PCDHGC3: variants seen among roughly 807,000 people sequenced by gnomAD.
The protein encoded by PCDHGC3 is protocadherin gamma-C3.
PCDHGC3 carries 26 observed loss-of-function variants against 59.2 expected under a neutral mutation model. The observed-to-expected ratio is 0.44, with a 90% CI of 0.32 to 0.61. The LOEUF is 0.61. PCDHGC3 is among the 20% of genes least tolerant of loss of function. The pLI, the probability that PCDHGC3 is intolerant of heterozygous loss-of-function variation, is 0.05. For synonymous variants in PCDHGC3, 487 were observed against 519.7 expected, an observed-to-expected ratio of 0.94 and a Z score of 0.86; for missense variants, 1,080 against 1,221.8, an observed-to-expected ratio of 0.88 and a Z score of 1.73.
At position 141,487,635 on chromosome 5, in the gene PCDHGC3, A is replaced by C. The variant is rs1594699829; in HGVS notation, c.2431-7172A>C. 1.2e-6 allele frequency: 2 copies of C among 1,614,204 alleles called. No individual in the cohort carries two copies. Among genetic ancestry groups the C allele is most frequent in the Non-Finnish European group, 1.7e-6 (2 of 1,180,034 alleles). On this transcript the variant is annotated intron_variant, in intron 1 of 3. Transcript: ENST00000308177. The surrounding 1 kb of genome is among the most constrained non-coding windows in gnomAD (Gnocchi z 5.0). Reference sequence around the variant, plus strand: ...CTAGAGGTGAGACCTTTGCAGGCTCAACAAATGCTTGAGGGTTATTCTGAT... The same window carrying C: ...CTAGAGGTGAGACCTTTGCAGGCTCCACAAATGCTTGAGGGTTATTCTGAT...
rs200464357 is a variant in PCDHGC3 at position 141,489,983 on chromosome 5, G to A, written c.2431-4824G>A. 4.5e-5 allele frequency: 73 copies of A among 1,614,172 alleles called. No homozygotes were observed. Among genetic ancestry groups the A allele is most frequent in the Middle Eastern group, 3.3e-4 (2 of 6,062 alleles). ...CCAACCTTCCAATCCTCAGTTCTAC[G>A]TGTGGGAATCCCAGAGAATGCACCC... On this transcript the variant is annotated intron_variant, in intron 1 of 3. Coordinates refer to ENST00000308177, the MANE Select transcript of PCDHGC3 (RefSeq NM_002588.4). This position sits in a 1 kb window ranked among gnomAD's most constrained non-coding sequence, Gnocchi z 4.5.
intron 2 of PCDHGC3, among the ~76,000 whole-genome samples, chr5:141,496,744 T>C (rs1383447795): frequency 6.6e-6 from 1 of 152,170 alleles, no homozygotes; most frequent in Non-Finnish European, 1.5e-5. Context: ...GTTCATTTAT[T>C]CAACAAATAT....
rs1177043977 is a variant in PCDHGC3, at chr5:141,491,919, C to G, written c.2431-2888C>G. On this transcript the variant is annotated intron_variant, in intron 1 of 3. Coordinates refer to ENST00000308177, the MANE Select transcript of PCDHGC3 (RefSeq NM_002588.4). The surrounding 1 kb of genome is among the most constrained non-coding windows in gnomAD (Gnocchi z 6.9). ...CACCGGGGGTGGTGGCGACTGTGGG[C>G]GAGGGGAGGTGGGACCGACCCCCAC... 5 of 1,361,900 alleles carry G rather than the reference C, an allele frequency of 3.7e-6. No homozygotes were observed. The South Asian group carries it at 7.8e-5, about 21-fold the overall frequency. The allele number at this position is 1,361,900 out of a possible 1,614,324, so 84.4% of individuals were successfully genotyped here. A position where few individuals can be genotyped will look rare whatever the true frequency, so the allele number is the denominator to read the frequency against.
chr5:141,491,071 C>T lies in PCDHGC3; in HGVS notation c.2431-3736C>T, dbSNP rs987564933. 1 of 1,614,152 alleles carries T rather than the reference C, an allele frequency of 6.2e-7. No individual in the cohort carries two copies. Among genetic ancestry groups the T allele is most frequent in the Non-Finnish European group, 8.5e-7 (1 of 1,180,028 alleles). ...TGCGTGGCTCTCCTACTCACTGTTGCCACAGTCCACAGCCCCAGGACTGTT... is the reference window on the plus strand; with the variant it reads ...TGCGTGGCTCTCCTACTCACTGTTGTCACAGTCCACAGCCCCAGGACTGTT... On this transcript the variant is annotated intron_variant, in intron 1 of 3. Transcript: ENST00000308177. This position sits in a 1 kb window ranked among gnomAD's most constrained non-coding sequence, Gnocchi z 6.9.
chr5:141,482,350 G>A lies in PCDHGC3; in HGVS notation c.2430+3804G>A, dbSNP rs184055854. ...AGAATATCTACTTTGCAAACTTGTT[G>A]TGAGAGTGAAAAGTAATGCATATAA... On this transcript the variant is annotated intron_variant, in intron 1 of 3. Coordinates refer to ENST00000308177, the MANE Select transcript of PCDHGC3 (RefSeq NM_002588.4). Among the ~76,000 whole-genome samples the A allele has an allele frequency of 5.3e-5, 8 of 152,200 alleles. No individual in the cohort carries two copies. In the East Asian group the frequency reaches 1.4e-3, roughly 26 times the overall value.
intron 3 of PCDHGC3, among the ~76,000 whole-genome samples, chr5:141,505,793 GGACTTGGATC>G (rs2099848390): frequency 6.6e-6 from 1 of 152,142 alleles, no homozygotes; most frequent in Non-Finnish European, 1.5e-5. Flanking sequence ...ACTATCCTTG[GGACTTGGATC>G]GACTTGCTCA....
rs2099396190 is a variant in PCDHGC3 at position 141,476,685 on chromosome 5, G to A, written c.569G>A (p.Ser190Asn). The change falls in exon 1 of 4, where the codon AGC (serine) becomes AAC (asparagine). Residue 190 changes from serine to asparagine, a missense_variant. Coordinates refer to ENST00000308177, the MANE Select transcript of PCDHGC3 (RefSeq NM_002588.4). This position sits in a 1 kb window ranked among gnomAD's most constrained non-coding sequence, Gnocchi z 7.6. ...FALRVQTRED[S>N]TKYAELVLER... ...CTTCGCGTGCAGACGCGGGAGGACA[G>A]CACCAAGTACGCGGAGCTGGTGTTG... 3.1e-6 allele frequency: 5 copies of A among 1,614,102 alleles called. No homozygotes were observed.
In PCDHGC3 at chr5:141,490,794, C is replaced by G. The variant is rs763933771; in HGVS notation, c.2431-4013C>G. The G allele has an allele frequency of 5.0e-6, 8 of 1,613,976 alleles. No individual in the cohort carries two copies. In the South Asian group the frequency reaches 7.7e-5, roughly 16 times the overall value. ...ACCCAGAGGATGGACGGATCTTTGCCCAGCGTACCTTTGACTATGAATTGC... is the reference window on the plus strand; with the variant it reads ...ACCCAGAGGATGGACGGATCTTTGCGCAGCGTACCTTTGACTATGAATTGC... On this transcript the variant is annotated intron_variant, in intron 1 of 3. Transcript: ENST00000308177. The surrounding 1 kb of genome is among the most constrained non-coding windows in gnomAD (Gnocchi z 5.4).
Position 141,486,255 on chromosome 5 carries a change from A to G in PCDHGC3, c.2430+7709A>G. 1 of 1,614,028 alleles carries G rather than the reference A, an allele frequency of 6.2e-7. No homozygotes were observed. Reference sequence around the variant, plus strand: ...ACCTCAGAGCTTGGAACCCTCCCCGAGAGTGCAGAACCTGGCACTGTGGTG... The same window carrying G: ...ACCTCAGAGCTTGGAACCCTCCCCGGGAGTGCAGAACCTGGCACTGTGGTG... On this transcript the variant is annotated intron_variant, in intron 1 of 3. Coordinates refer to ENST00000308177, the MANE Select transcript of PCDHGC3 (RefSeq NM_002588.4). This position sits in a 1 kb window ranked among gnomAD's most constrained non-coding sequence, Gnocchi z 5.0.
At chr5:141,503,916 C>T (rs1372491893) in intron 2 of PCDHGC3, among the ~76,000 whole-genome samples, 1 of 152,246 alleles carries the variant, frequency 6.6e-6, no homozygotes, top group African/African-American at 2.4e-5. Context: ...CAACGCAACA[C>T]ACACACAGAC....
intron 2 of PCDHGC3, among the ~76,000 whole-genome samples, chr5:141,500,900 C>T (rs1309164700): frequency 4.0e-5 from 6 of 150,642 alleles, no homozygotes; most frequent in South Asian, 2.1e-4. Flanking sequence ...GAGACAGTCT[C>T]GCTCTGTCTC....
rs762910422 is a variant in PCDHGC3, at chr5:141,485,747, C to T, written c.2430+7201C>T. ...GAAGCGCAGCGACGGCAGCCTGGTCCCAGAGCTGCTCCTGGAGAAGCCTTT... is the reference window on the plus strand; with the variant it reads ...GAAGCGCAGCGACGGCAGCCTGGTCTCAGAGCTGCTCCTGGAGAAGCCTTT... On this transcript the variant is annotated intron_variant, in intron 1 of 3. Coordinates refer to ENST00000308177, the MANE Select transcript of PCDHGC3 (RefSeq NM_002588.4). This position sits in a 1 kb window ranked among gnomAD's most constrained non-coding sequence, Gnocchi z 5.7. 1 of 1,614,162 alleles carries T rather than the reference C, an allele frequency of 6.2e-7. No individual in the cohort carries two copies.
At chr5:141,483,064 A>G (rs1245942485) in intron 1 of PCDHGC3, among the ~76,000 whole-genome samples, 2 of 152,142 alleles carry the variant, frequency 1.3e-5, no homozygotes, top group Non-Finnish European at 2.9e-5. Context: ...CAGCATGGGC[A>G]ACAGAGAGAG....
At position 141,493,093 on chromosome 5, in the gene PCDHGC3, A is replaced by G. The variant is rs78102761; in HGVS notation, c.2431-1714A>G. On this transcript the variant is annotated intron_variant, in intron 1 of 3. Transcript: ENST00000308177. The surrounding 1 kb of genome is among the most constrained non-coding windows in gnomAD (Gnocchi z 4.3). ...CTCCAACTCCAGGAGCTTTTATTCA[A>G]AATATATCAATGCCTAACTCTGCTC... 0.034 allele frequency among the ~76,000 whole-genome samples: 5,198 copies of G among 152,282 alleles called. 159 individuals carry two copies. Among genetic ancestry groups the G allele is most frequent in the African/African-American group, 0.079 (3,275 of 41,546 alleles).
At position 141,478,199 on chromosome 5, in the gene PCDHGC3, C is replaced by G; in HGVS notation, c.2083C>G (p.Leu695Val). The G allele has an allele frequency of 6.2e-7, 1 of 1,614,056 alleles. No individual in the cohort carries two copies. Among genetic ancestry groups the G allele is most frequent in the Non-Finnish European group, 8.5e-7 (1 of 1,180,038 alleles). The change falls in exon 1 of 4, where the codon CTT (leucine) becomes GTT (valine). Residue 695 changes from leucine to valine, a missense_variant. Leu to Val is a conservative substitution (Grantham distance 32). Transcript: ENST00000308177. ...GAAAAAAAATCTCACCTTTTATCTACTTCTTTCTCTAATCCTGGTTTCTGT... is the reference window on the plus strand; with the variant it reads ...GAAAAAAAATCTCACCTTTTATCTAGTTCTTTCTCTAATCCTGGTTTCTGT... ...EQKKNLTFYLLLSLILVSVGF... is the reference protein window; with the variant it reads ...EQKKNLTFYLVLSLILVSVGF...
chr5:141,478,322 C>A lies in PCDHGC3; in HGVS notation c.2206C>A (p.Arg736=). ...CCGAGCCCCGGTGAGCTCACTGTAC[C>A]GAACACCAGGGCCCTCCTTGCACGC... ...LYRAPVSSLY[R]TPGPSLHADA... is the part of the protein sequence containing the mutation. Residue 736 remains arginine, a synonymous_variant, in exon 1 of 4, where the codon CGA becomes AGA. Transcript: ENST00000308177. The A allele has an allele frequency of 1.9e-6, 3 of 1,613,976 alleles. No individual in the cohort carries two copies. Among genetic ancestry groups the A allele is most frequent in the Non-Finnish European group, 2.5e-6 (3 of 1,180,016 alleles).
Position 141,477,952 on chromosome 5 carries a change from A to T in PCDHGC3, c.1836A>T (p.Gly612=), listed in dbSNP as rs907708638. ...HNAWLSYSLL[G]SPNQSLFAIG... ...CCTGGCTCTCCTACAGTCTCTTGGG[A>T]TCCCCTAACCAGAGCCTTTTTGCCA... Residue 612 remains glycine (G), a synonymous_variant, in exon 1 of 4, where the codon GGA becomes GGT. Coordinates refer to ENST00000308177, the MANE Select transcript of PCDHGC3 (RefSeq NM_002588.4). This position sits in a 1 kb window ranked among gnomAD's most constrained non-coding sequence, Gnocchi z 4.9. The T allele has an allele frequency of 1.9e-6, 3 of 1,613,920 alleles. No individual in the cohort carries two copies. The African/African-American group carries it at 4.0e-5, about 22-fold the overall frequency.
intron 1 of PCDHGC3, among the ~76,000 whole-genome samples, chr5:141,482,866 G>A (rs768388750): frequency 2.7e-5 from 4 of 150,296 alleles, no homozygotes; most frequent in Non-Finnish European, 4.4e-5. Flanking sequence ...GAGGTCAGGA[G>A]TTTGAAACCA....
At chr5:141,496,021 G>A (rs1011612662) in intron 2 of PCDHGC3, among the ~76,000 whole-genome samples, 1 of 151,336 alleles carries the variant, frequency 6.6e-6, no homozygotes, top group Admixed American at 6.6e-5. Context: ...TTTTCTCTGA[G>A]CCTCTGTCTC....
Sources: allele counts gnomAD v4.1 joint callset (sites outside exome capture counted in the v4.1 genomes callset), GRCh38; gene constraint gnomAD v4.1.1; non-coding constraint Gnocchi (gnomAD v3.1); transcripts MANE v1.5; gene names NCBI Gene and HGNC (gene_info 2026-07-23, HGNC 2026-07-21).